The following LRRC57 variants were observed in gnomAD, a reference collection of about 807,000 sequenced individuals.
LRRC57 encodes the protein leucine-rich repeat-containing protein 57.
In LRRC57, 14 loss-of-function variants were observed where a neutral mutation model predicts 23.1. The ratio of observed to expected loss-of-function variants is 0.61; its 90% CI spans 0.40 to 0.95. The LOEUF (loss-of-function observed/expected upper bound fraction) is 0.95, where lower values mean the gene tolerates loss of function less well. Among genes scored for constraint, LRRC57 ranks in the 40% least tolerant of loss-of-function variants. The probability of loss-of-function intolerance (pLI) is 0.00; values close to 1 mark genes in which losing one functional copy is unlikely to be tolerated. For synonymous variants in LRRC57, 106 were observed against 115.2 expected, an observed-to-expected ratio of 0.92 and a Z score of 0.51; for missense variants, 236 against 284.4, an observed-to-expected ratio of 0.83 and a Z score of 1.22.
downstream of LRRC57, among the ~76,000 whole-genome samples, chr15:42,533,387 C>G (rs896319925): frequency 1.2e-4 from 18 of 152,122 alleles, no homozygotes; most frequent in Non-Finnish European, 2.2e-4. Context: ...AATGTGGGAG[C>G]TTTCAAAGGC....
At chr15:42,546,584 C>A (rs1245724141) in intron 4 of LRRC57, among the ~76,000 whole-genome samples, 1 of 152,178 alleles carries the variant, frequency 6.6e-6, no homozygotes, top group Non-Finnish European at 1.5e-5. Flanking sequence ...GAAATACAGA[C>A]ACTAGAAAAC....
Position 42,543,556 on chromosome 15 carries a change from C to G in LRRC57, c.*527G>C, listed in dbSNP as rs1295706943. On this transcript the variant is annotated 3_prime_UTR_variant, in exon 6 of 6. Transcript: ENST00000397130. ...ACACATTTATGTACATCCTAAAGTC[C>G]TAGTATAAAAACTGCGACTGAACTG... 6.6e-6 allele frequency: 1 copy of G among 152,334 alleles called. No homozygotes were observed. 9.4% of individuals were successfully genotyped at this position (152,334 alleles called of 1,614,324 possible). A position where few individuals can be genotyped will look rare whatever the true frequency, so the allele number is the denominator to read the frequency against.
At chr15:42,544,164 T>G (rs748263314) in intron 5 of LRRC57, 40 bp from the exon 6 acceptor site, 1 of 1,529,728 alleles carries the variant, frequency 6.5e-7, no homozygotes, top group Non-Finnish European at 8.9e-7. Flanking sequence ...TATTTTGGCA[T>G]GAGTAAATAA....
chr15:42,545,146 G>C lies in LRRC57; in HGVS notation c.609C>G (p.Ile203Met). ...GATTGCCTTCCACAGCAAGCAGACA[G>C]ATCTGGGAATCACTGAGGATGCTCT... ...LPQSILSDSQICLLAVEGNLF... is the reference protein window; with the variant it reads ...LPQSILSDSQMCLLAVEGNLF... Residue 203 changes from isoleucine (I) to methionine (M), a missense_variant, in exon 5 of 6, where the codon ATC (isoleucine) becomes ATG (methionine). By Grantham distance (10) the Ile-to-Met change is conservative. Transcript: ENST00000397130. The C allele has an allele frequency of 6.2e-7, 1 of 1,609,910 alleles. No individual in the cohort carries two copies. The highest frequency in any genetic ancestry group is 8.5e-7 in the Non-Finnish European group (1 of 1,178,122).
At chr15:42,544,838 C>T (rs1258190957) in intron 5 of LRRC57, among the ~76,000 whole-genome samples, 3,275 of 108,158 alleles carry the variant, frequency 0.03, 228 homozygotes, top group African/African-American at 0.16. Context: ...CACACACACA[C>T]ACACTATATA....
rs1352669451 is a variant in LRRC57 at position 42,548,767 on chromosome 15, G to A, written c.-97C>T. 7.4e-6 allele frequency: 6 copies of A among 814,192 alleles called. No homozygotes were observed. Among genetic ancestry groups the A allele is most frequent in the Non-Finnish European group, 1.2e-5 (6 of 515,848 alleles). The allele number at this position is 814,192 out of a possible 1,614,324, so 50.4% of individuals were successfully genotyped here. A position where few individuals can be genotyped will look rare whatever the true frequency, so the allele number is the denominator to read the frequency against. On this transcript the variant is annotated 5_prime_UTR_variant, in exon 1 of 6. Transcript: ENST00000397130. Reference sequence around the variant, plus strand: ...CGCAGTAGCCGGGATGCGCTCCCCGGCTTAGTCCCGGGCGGGAACGCCCTG... The same window carrying A: ...CGCAGTAGCCGGGATGCGCTCCCCGACTTAGTCCCGGGCGGGAACGCCCTG...
intron 4 of LRRC57, 116 bp from the exon 5 acceptor site, chr15:42,545,378 T>A: frequency 4.9e-6 from 3 of 611,894 alleles, no homozygotes; most frequent in Non-Finnish European, 7.4e-6. Flanking sequence ...AGTTTTCCCC[T>A]CTTTTACCAC....
intron 4 of LRRC57, among the ~76,000 whole-genome samples, chr15:42,545,855 TC>T (rs1365865188): frequency 6.6e-6 from 1 of 152,186 alleles, no homozygotes; most frequent in Non-Finnish European, 1.5e-5. Context: ...TCATATGTCA[TC>T]TTCTCTCTAA....
Position 42,537,993 on chromosome 15 carries a change from A to G in LRRC57, c.*6090T>C, listed in dbSNP as rs1272777590. The G allele has an allele frequency of 6.6e-6, 1 of 152,216 alleles. No individual in the cohort carries two copies. Among genetic ancestry groups the G allele is most frequent in the Non-Finnish European group, 1.5e-5 (1 of 68,044 alleles). The allele number at this position is 152,216 out of a possible 1,614,324, so 9.4% of individuals were successfully genotyped here. On this transcript the variant is annotated 3_prime_UTR_variant, in exon 6 of 6. Transcript: ENST00000397130. ...GAAGGAATAAGTTTTAATGCTTGAT[A>G]GCATAGTACGGTGACTATACTTAAT...
At position 42,541,680 on chromosome 15, in the gene LRRC57, C is replaced by G. The variant is rs1166720127; in HGVS notation, c.*2403G>C. 2 of 151,890 alleles carry G rather than the reference C, an allele frequency of 1.3e-5. No homozygotes were observed. Among genetic ancestry groups the G allele is most frequent in the Non-Finnish European group, 2.9e-5 (2 of 68,002 alleles). 9.4% of individuals were successfully genotyped at this position (151,890 alleles called of 1,614,324 possible). On this transcript the variant is annotated 3_prime_UTR_variant, in exon 6 of 6. Coordinates refer to ENST00000397130, the MANE Select transcript of LRRC57 (RefSeq NM_153260.3). ...AATAGCTTTGTGACTAAGATAAAAT[C>G]AGAAAATGACCAAAATGGTAGCTTT...
intron 3 of LRRC57, 106 bp downstream of exon 3, chr15:42,548,000 G>A (rs2057670847): frequency 8.8e-7 from 1 of 1,142,342 alleles, no homozygotes; most frequent in East Asian, 2.4e-5. Context: ...CGCAACTTGA[G>A]CCCTCCTGCA....
Position 42,545,175 on chromosome 15 carries a change from G to A in LRRC57, c.580C>T (p.Pro194Ser). 1 of 1,612,092 alleles carries A rather than the reference G, an allele frequency of 6.2e-7. No homozygotes were observed. Among genetic ancestry groups the A allele is most frequent in the Non-Finnish European group, 8.5e-7 (1 of 1,179,030 alleles). The change falls in exon 5 of 6, where the codon CCC becomes TCC. Residue 194 changes from proline (P) to serine (S), a missense_variant. Pro to Ser is a moderately conservative substitution (Grantham distance 74, BLOSUM62 -1). Transcript: ENST00000397130. ...TGGGAATCACTGAGGATGCTCTGGG[G>A]AAGCATGCTGAGCTCAAGACAATTC... Reference protein sequence around the residue: ...EENCLELSMLPQSILSDSQIC... With the variant: ...EENCLELSMLSQSILSDSQIC...
intron 3 of LRRC57, 186 bp downstream of exon 3, chr15:42,547,920 C>A (rs942096609): frequency 3.4e-5 from 21 of 611,150 alleles, no homozygotes; most frequent in Non-Finnish European, 5.9e-5. Flanking sequence ...TTATAACACC[C>A]AATCATTATA....
At chr15:42,530,395 C>T in the LRRC57 span, among the ~76,000 whole-genome samples, 4 of 151,840 alleles carry the variant, frequency 2.6e-5, no homozygotes, top group South Asian at 8.3e-4. Flanking sequence ...CTTTTTTTTC[C>T]CCCTTAACTT....
chr15:42,544,045 G>C lies in LRRC57; in HGVS notation c.*38C>G. 6.3e-7 allele frequency: 1 copy of C among 1,593,612 alleles called. No homozygotes were observed. The highest frequency in any genetic ancestry group is 8.6e-7 in the Non-Finnish European group (1 of 1,164,140). On this transcript the variant is annotated 3_prime_UTR_variant, in exon 6 of 6. Transcript: ENST00000397130. ...AGCCACATTCCAACAGAGGTTCTAA[G>C]TCAGTATCCTGTAAGGTTTCCATAG...
the LRRC57 span, chr15:42,532,379 C>G: frequency 6.6e-6 from 1 of 151,588 alleles, no homozygotes; most frequent in African/African-American, 2.4e-5. Flanking sequence ...GCCACTGTGC[C>G]TGGCTGAGTT....
In LRRC57 at chr15:42,548,688, C is replaced by G; in HGVS notation, c.-23+5G>C. 1.6e-6 allele frequency: 1 copy of G among 622,822 alleles called. No individual in the cohort carries two copies. 38.6% of individuals were successfully genotyped at this position (622,822 alleles called of 1,614,324 possible). A position where few individuals can be genotyped will look rare whatever the true frequency, so the allele number is the denominator to read the frequency against. On this transcript the variant is annotated splice_donor_5th_base_variant and intron_variant, in intron 1 of 5. Coordinates refer to ENST00000397130, the MANE Select transcript of LRRC57 (RefSeq NM_153260.3). The stretch of plus-strand genomic sequence containing the variant: ...CTACGGAAGATCAGGGAGCCCCGGA[C>G]TCGCCTCCCACCGCTCAGCTGCCGT...
At chr15:42,534,894 G>C (rs2057592626), downstream of LRRC57, among the ~76,000 whole-genome samples, 1 of 152,122 alleles carries the variant, frequency 6.6e-6, no homozygotes, top group South Asian at 2.1e-4. Flanking sequence ...TATCATCCAG[G>C]TTTCATTGTT....
intron 5 of LRRC57, among the ~76,000 whole-genome samples, chr15:42,544,688 A>G (rs758115788): frequency 1.3e-5 from 2 of 151,114 alleles, no homozygotes; most frequent in Non-Finnish European, 2.9e-5. Context: ...CTGGCACACG[A>G]CTGTGATCCC....
Sources: gnomAD v4.1 joint callset for allele counts (sites outside exome capture counted in the v4.1 genomes callset) on GRCh38, gnomAD v4.1.1 for gene constraint, MANE v1.5 for transcripts, NCBI Gene and HGNC (gene_info 2026-07-23, HGNC 2026-07-21) for gene names.